SCN7A: variants seen among roughly 807,000 people sequenced by gnomAD.
The protein encoded by SCN7A is sodium voltage-gated channel alpha subunit 7, also known as sodium channel protein type 7 subunit alpha.
Under a neutral mutation model 155.2 loss-of-function variants are expected in SCN7A, and 138 were observed. That is an observed-to-expected ratio of 0.89 (90% CI 0.77 to 1.02). The LOEUF is 1.02. SCN7A is among the 50% of genes least tolerant of loss of function. The probability of loss-of-function intolerance (pLI) is 0.00; values close to 1 mark genes in which losing one functional copy is unlikely to be tolerated. For synonymous variants in SCN7A, 693 were observed against 649.0 expected (o/e 1.07, Z -1.03); for missense variants, 2,058 against 1,986.6 (o/e 1.04, Z -0.68).
chr2:166,436,283 C>T lies in SCN7A; in HGVS notation c.2158-3531G>A, dbSNP rs117745037. On this transcript the variant is annotated intron_variant, in intron 15 of 25. Transcript: ENST00000643258. ...AATCATGGGGGCAGTTACCTTCATG[C>T]TGTTCTCATGGTAGTGAGTTAATTC... The T allele has an allele frequency of 5.6e-3, 1,503 of 269,330 alleles. 74 individuals carry two copies. In the East Asian group the frequency reaches 0.12, roughly 21 times the overall value. The allele number at this position is 269,330 out of a possible 1,614,324, so 16.7% of individuals were successfully genotyped here. A position where few individuals can be genotyped will look rare whatever the true frequency, so the allele number is the denominator to read the frequency against.
At chr2:166,474,383 G>T in intron 3 of SCN7A, 39 bp from the exon 4 acceptor site, 1 of 914,058 alleles carries the variant, frequency 1.1e-6, no homozygotes, top group Non-Finnish European at 1.6e-6. Flanking sequence ...TTAGAACTCA[G>T]AACCATAATC....
intron 2 of SCN7A, among the ~76,000 whole-genome samples, chr2:166,483,690 C>T (rs34565090): frequency 0.12 from 18,894 of 151,580 alleles, 1,307 homozygotes; most frequent in Middle Eastern, 0.16. Context: ...AAGGAAAGTG[C>T]TGGTTAGGGT....
chr2:166,475,645 C>T (rs1033151357), intron 3 of SCN7A, among the ~76,000 whole-genome samples: 4 of 151,734 alleles, frequency 2.6e-5, no homozygotes, highest in African/African-American at 9.7e-5. Context: ...TGCTATTTTC[C>T]AGAACAATCT....
intron 16 of SCN7A, among the ~76,000 whole-genome samples, chr2:166,430,781 T>C (rs1701717253): frequency 6.6e-6 from 1 of 151,972 alleles, no homozygotes; most frequent in African/African-American, 2.4e-5. Flanking sequence ...AGGCTGGAAG[T>C]ACAAATAGCA....
At chr2:166,492,603 G>A (rs1223466462) in intron 1 of SCN7A, among the ~76,000 whole-genome samples, 5 of 152,150 alleles carry the variant, frequency 3.3e-5, no homozygotes, top group South Asian at 2.1e-4. Context: ...AAGGCTTTCA[G>A]ATTAGAATAT....
At chr2:166,479,494 A>G (rs1367028770) in intron 2 of SCN7A, among the ~76,000 whole-genome samples, 2 of 152,208 alleles carry the variant, frequency 1.3e-5, no homozygotes, top group Admixed American at 1.3e-4. Context: ...TATTGGGATG[A>G]CTACTTATGC....
chr2:166,460,401 C>CA (rs1702376889), intron 10 of SCN7A, among the ~76,000 whole-genome samples: 1 of 151,390 alleles, frequency 6.6e-6, no homozygotes, highest in South Asian at 2.1e-4. Flanking sequence ...GCTGAGAAAT[C>CA]AAAAAAATTA....
intron 15 of SCN7A, chr2:166,440,774 C>G (rs907182957): frequency 6.6e-6 from 1 of 152,060 alleles, no homozygotes; most frequent in Non-Finnish European, 1.5e-5. Context: ...AGTAGTCCCC[C>G]TTAATCCAGG....
intron 11 of SCN7A, among the ~76,000 whole-genome samples, chr2:166,455,256 G>T (rs987706009): frequency 6.6e-6 from 1 of 151,650 alleles, no homozygotes; most frequent in African/African-American, 2.4e-5. Flanking sequence ...AATATTTTTT[G>T]ATCTTCTGAT....
rs1702735630 is a variant in SCN7A, at chr2:166,474,469, TA to T, written c.235-126del. On this transcript the variant is annotated intron_variant, in intron 3 of 25. Coordinates refer to ENST00000643258, the MANE Select transcript of SCN7A (RefSeq NM_002976.4). ...TCTAAAAGCCATACTCTTCTTTTTT[TA>T]TATATTTTTATAGACTAAGTCAAAT... 5 of 369,190 alleles carry T rather than the reference TA, an allele frequency of 1.4e-5. No individual in the cohort carries two copies. In the East Asian group the frequency reaches 1.9e-4, roughly 14 times the overall value. 22.9% of individuals were successfully genotyped at this position (369,190 alleles called of 1,614,324 possible). A position where few individuals can be genotyped will look rare whatever the true frequency, so the allele number is the denominator to read the frequency against.
At chr2:166,414,011 T>TATATATATATATATATA (rs1701267016) in intron 21 of SCN7A, among the ~76,000 whole-genome samples, 1 of 48,300 alleles carries the variant, frequency 2.1e-5, no homozygotes, top group Non-Finnish European at 4.0e-5. Context: ...ATAAATATAC[T>TATATATATATATATATA]ATATATATGT....
intron 16 of SCN7A, among the ~76,000 whole-genome samples, chr2:166,429,952 C>T (rs1660555157): frequency 6.6e-6 from 1 of 152,002 alleles, no homozygotes; most frequent in Non-Finnish European, 1.5e-5. Flanking sequence ...GCTAATGATA[C>T]TCTTTGCCTT....
chr2:166,491,782 C>T (rs994846067), intron 1 of SCN7A, among the ~76,000 whole-genome samples: 2 of 152,042 alleles, frequency 1.3e-5, no homozygotes, highest in Non-Finnish European at 2.9e-5. Context: ...AGATGTTCTT[C>T]TCACACTGAC....
chr2:166,492,132 G>T lies in SCN7A; in HGVS notation c.-128+1836C>A, dbSNP rs182684381. 8.5e-5 allele frequency among the ~76,000 whole-genome samples: 13 copies of T among 152,248 alleles called. No homozygotes were observed. The East Asian group carries it at 2.5e-3, about 29-fold the overall frequency. ...TCTACCACACGAGGCTACGGAGACA[G>T]AATGCCCAGTTTTGAAGTGCTTGGC... On this transcript the variant is annotated intron_variant, in intron 1 of 25. Transcript: ENST00000643258.
Position 166,405,837 on chromosome 2 carries a change from C to G in SCN7A, c.4792G>C (p.Glu1598Gln), listed in dbSNP as rs1316857305. The part of the protein sequence containing the change: ...QDVRMEKVVS[E>Q]IESGFLLANP... ...GCTAACAAAAACCCTGATTCTATTT[C>G]TGAAACAACTTTCTCCATCCTCACA... The change falls in exon 26 of 26, where the codon GAA becomes CAA. Residue 1598 changes from glutamate to glutamine, a missense_variant. Glu to Gln is a conservative substitution (Grantham distance 29). Coordinates refer to ENST00000643258, the MANE Select transcript of SCN7A (RefSeq NM_002976.4). The G allele has an allele frequency of 6.2e-7, 1 of 1,613,112 alleles. No homozygotes were observed. Among genetic ancestry groups the G allele is most frequent in the East Asian group, 2.2e-5 (1 of 44,850 alleles).
Position 166,406,620 on chromosome 2 carries a change from A to T in SCN7A, c.4009T>A (p.Ser1337Thr), listed in dbSNP as rs1298092476. The change falls in exon 26 of 26, where the codon TCC (serine) becomes ACC (threonine). Residue 1337 changes from serine (S) to threonine (T), a missense_variant. By Grantham distance (58) the Ser-to-Thr change is moderately conservative. Transcript: ENST00000643258. ...TGLCLPMTVG[S>T]YLVPPSLVQL... ...ACAAGTGAAGGAGGCACAAGGTAGGATCCTACTGTCATAGGCAGACATAGT... is the reference window on the plus strand; with the variant it reads ...ACAAGTGAAGGAGGCACAAGGTAGGTTCCTACTGTCATAGGCAGACATAGT... The T allele has an allele frequency of 6.2e-7, 1 of 1,610,018 alleles. No homozygotes were observed. The highest frequency in any genetic ancestry group is 8.5e-7 in the Non-Finnish European group (1 of 1,177,776).
chr2:166,466,001 C>A lies in SCN7A; in HGVS notation c.665-14G>T. The A allele has an allele frequency of 1.3e-6, 2 of 1,582,400 alleles. No homozygotes were observed. Among genetic ancestry groups the A allele is most frequent in the Non-Finnish European group, 1.7e-6 (2 of 1,161,248 alleles). ...GGGATTTCAGACCTGGAAAGAGAAA[C>A]ATTTGTTTTCGAAATAATGTAATAT... is the stretch of plus-strand genomic sequence containing the variant. On this transcript the variant is annotated splice_polypyrimidine_tract_variant and intron_variant, in intron 7 of 25. Transcript: ENST00000643258.
At chr2:166,443,215 C>T (rs1308337461) in intron 14 of SCN7A, among the ~76,000 whole-genome samples, 1 of 152,102 alleles carries the variant, frequency 6.6e-6, no homozygotes, top group Non-Finnish European at 1.5e-5. Flanking sequence ...TTGGAGACTC[C>T]TCATTTTCTT....
chr2:166,492,279 A>C (rs530072129), intron 1 of SCN7A, among the ~76,000 whole-genome samples: 2 of 152,200 alleles, frequency 1.3e-5, no homozygotes, highest in South Asian at 4.2e-4. Flanking sequence ...TTCTTCTATT[A>C]CTTTAAACAT....
Sources: gnomAD v4.1 joint callset for allele counts (sites outside exome capture counted in the v4.1 genomes callset) on GRCh38, gnomAD v4.1.1 for gene constraint, MANE v1.5 for transcripts, NCBI Gene and HGNC (gene_info 2026-07-23, HGNC 2026-07-21) for gene names.